EXOC4: variants seen among roughly 807,000 people sequenced by gnomAD.
EXOC4 encodes SEC8-like 1.
In EXOC4, 71 loss-of-function variants were observed where a neutral mutation model predicts 107.2. The observed-to-expected ratio is 0.66, with a 90% confidence interval of 0.55 to 0.81. EXOC4 has a LOEUF of 0.81. EXOC4 is among the 30% of genes least tolerant of loss of function. EXOC4 has a pLI of 0.00. For synonymous variants in EXOC4, 456 were observed against 441.2 expected (o/e 1.03, Z -0.42); for missense variants, 1,108 against 1,189.6 (o/e 0.93, Z 1.01).
rs1585311083 is a variant in EXOC4 at position 133,998,892 on chromosome 7, T to A, written c.2348+1259T>A. 2.0e-5 allele frequency among the ~76,000 whole-genome samples: 3 copies of A among 152,224 alleles called. No homozygotes were observed. The South Asian group carries it at 6.2e-4, about 32-fold the overall frequency. On this transcript the variant is annotated intron_variant, in intron 15 of 17. Transcript: ENST00000253861. ...GAAGCATAGGATTTGGGACATATGC[T>A]GAAGGTAGAGCTAATGAAGTTTGTT...
At chr7:133,785,821 C>T (rs929106970) in intron 10 of EXOC4, among the ~76,000 whole-genome samples, 3 of 151,928 alleles carry the variant, frequency 2.0e-5, no homozygotes, top group Non-Finnish European at 4.4e-5. Flanking sequence ...TACAGGTGCC[C>T]GCCACCATGC....
At chr7:133,606,085 C>G (rs892434859) in intron 9 of EXOC4, among the ~76,000 whole-genome samples, 1 of 152,158 alleles carries the variant, frequency 6.6e-6, no homozygotes, top group Admixed American at 6.5e-5. Flanking sequence ...TGTTCATTGA[C>G]TAAGACCATT....
intron 10 of EXOC4, among the ~76,000 whole-genome samples, chr7:133,654,087 C>T (rs997001124): frequency 2.0e-5 from 3 of 152,118 alleles, no homozygotes; most frequent in African/African-American, 7.2e-5. Flanking sequence ...AATAAGAAAT[C>T]GAGCAGTGCA....
chr7:134,068,432 G>T (rs1377777007), downstream of EXOC4, among the ~76,000 whole-genome samples: 2 of 152,146 alleles, frequency 1.3e-5, no homozygotes, highest in Non-Finnish European at 2.9e-5. Flanking sequence ...CTTGCCTACT[G>T]CCATGTAAGA....
chr7:133,346,698 AT>A (rs1795790404), intron 5 of EXOC4, among the ~76,000 whole-genome samples: 1 of 152,096 alleles, frequency 6.6e-6, no homozygotes, highest in Non-Finnish European at 1.5e-5. Flanking sequence ...TCCTTTTTAT[AT>A]TTAATTCTAT....
At chr7:133,669,269 A>G (rs756866750) in intron 10 of EXOC4, among the ~76,000 whole-genome samples, 4 of 151,944 alleles carry the variant, frequency 2.6e-5, no homozygotes, top group Non-Finnish European at 5.9e-5. Context: ...CGCGGGATGT[A>G]AGGAAAAGGA....
intron 5 of EXOC4, among the ~76,000 whole-genome samples, chr7:133,329,192 T>G (rs1795319713): frequency 6.6e-6 from 1 of 152,210 alleles, no homozygotes; most frequent in Admixed American, 6.5e-5. Context: ...TGATATCATT[T>G]CTTCCACTTG....
chr7:133,540,264 A>G (rs971235367), intron 9 of EXOC4, among the ~76,000 whole-genome samples: 4 of 152,216 alleles, frequency 2.6e-5, no homozygotes, highest in South Asian at 2.1e-4. Flanking sequence ...TAAACCACAT[A>G]CCATCTAAAT....
intron 10 of EXOC4, among the ~76,000 whole-genome samples, chr7:133,779,780 A>C (rs571208004): frequency 2.0e-5 from 3 of 152,030 alleles, no homozygotes; most frequent in Admixed American, 6.5e-5. Context: ...CAATCAGCAC[A>C]CTGTAAAATG....
rs1310681623 is a variant in EXOC4 at position 133,509,505 on chromosome 7, A to T, written c.1417+29367A>T. Among the ~76,000 whole-genome samples, 3 of 151,952 alleles carry T rather than the reference A, an allele frequency of 2.0e-5. 1 individual carries two copies. The highest frequency in any genetic ancestry group is 4.4e-5 in the Non-Finnish European group (3 of 68,000). Reference sequence around the variant, plus strand: ...ATTCCTTAAAGAAGGCTCAGCTGGAAGGTTCTCTTTTATAACCCTTCCTCT... The same window carrying T: ...ATTCCTTAAAGAAGGCTCAGCTGGATGGTTCTCTTTTATAACCCTTCCTCT... On this transcript the variant is annotated intron_variant, in intron 9 of 17. Transcript: ENST00000253861.
chr7:133,335,178 T>C (rs796418003), intron 5 of EXOC4, among the ~76,000 whole-genome samples: 59 of 152,338 alleles, frequency 3.9e-4, no homozygotes, highest in African/African-American at 1.4e-3. Context: ...TATGGGATCT[T>C]TTTGTTTATA....
intron 13 of EXOC4, among the ~76,000 whole-genome samples, chr7:133,925,418 A>C (rs891335820): frequency 6.6e-6 from 1 of 152,176 alleles, no homozygotes. Context: ...TGCCATATAT[A>C]TGTATATATT....
intron 7 of EXOC4, among the ~76,000 whole-genome samples, chr7:133,427,654 AACTCTGT>A (rs1334352931): frequency 6.6e-6 from 1 of 152,218 alleles, no homozygotes; most frequent in Non-Finnish European, 1.5e-5. Context: ...TGAGCCACCC[AACTCTGT>A]ACTCTGTAAA....
At chr7:133,346,371 C>A (rs1218160219) in intron 5 of EXOC4, among the ~76,000 whole-genome samples, 1 of 152,162 alleles carries the variant, frequency 6.6e-6, no homozygotes, top group East Asian at 1.9e-4. Context: ...TACTCCGGCT[C>A]CTCTCCATGT....
intron 11 of EXOC4, among the ~76,000 whole-genome samples, chr7:133,857,274 C>T (rs1421938922): frequency 5.9e-5 from 1 of 16,848 alleles, no homozygotes; most frequent in Non-Finnish European, 9.2e-5. Flanking sequence ...TATATATATA[C>T]ACGTATATAT....
rs1460209547 is a variant in EXOC4, at chr7:133,464,816, T to G, written c.1183-10512T>G. Among the ~76,000 whole-genome samples the G allele has an allele frequency of 1.2e-4, 13 of 112,090 alleles. 1 individual carries two copies. Among genetic ancestry groups the G allele is most frequent in the African/African-American group, 2.7e-4 (8 of 29,392 alleles). The allele number at this position is 112,090 out of a possible 152,430, so 73.5% of individuals were successfully genotyped here. ...TTTTTTTGTTGGTTGGGTTGGTTTT[T>G]TTTTTTTTTTTTTTTTTTTTGGAGT... is the stretch of plus-strand genomic sequence containing the variant. On this transcript the variant is annotated intron_variant, in intron 7 of 17. Transcript: ENST00000253861.
intron 2 of EXOC4, among the ~76,000 whole-genome samples, chr7:133,282,229 A>G (rs1342339584): frequency 1.3e-5 from 2 of 152,198 alleles, no homozygotes; most frequent in Non-Finnish European, 2.9e-5. Flanking sequence ...TTCTATTCAC[A>G]GTAGCCTCTT....
At chr7:133,370,096 TC>T (rs1796339996) in intron 6 of EXOC4, among the ~76,000 whole-genome samples, 1 of 151,890 alleles carries the variant, frequency 6.6e-6, no homozygotes, top group Admixed American at 6.6e-5. Context: ...CTGGCCTCCT[TC>T]CAGATTTCTA....
At chr7:133,718,809 A>C (rs1795048671) in intron 10 of EXOC4, among the ~76,000 whole-genome samples, 1 of 152,194 alleles carries the variant, frequency 6.6e-6, no homozygotes, top group Admixed American at 6.5e-5. Flanking sequence ...GCGAGTGGTG[A>C]GAACATTTTT....
Sources: gnomAD v4.1 joint callset for allele counts (sites outside exome capture counted in the v4.1 genomes callset) on GRCh38, gnomAD v4.1.1 for gene constraint, MANE v1.5 for transcripts, NCBI Gene and HGNC (gene_info 2026-07-23, HGNC 2026-07-21) for gene names.